The following MED12L variants were observed in gnomAD, a reference collection of about 807,000 sequenced individuals.
MED12L encodes mediator complex subunit 12L, also known as mediator of RNA polymerase II transcription subunit 12-like protein.
Under a neutral mutation model 281.3 loss-of-function variants are expected in MED12L, and 60 were observed. The observed-to-expected ratio is 0.21, with a 90% confidence interval of 0.17 to 0.26. MED12L has a LOEUF of 0.26. Among genes scored for constraint, MED12L ranks in the 10% least tolerant of loss-of-function variants. MED12L has a pLI of 1.00. For synonymous variants in MED12L, 974 were observed against 987.2 expected (o/e 0.99, Z 0.25); for missense variants, 2,146 against 2,680.9 (o/e 0.80, Z 4.41).
At chr3:151,409,716 A>C (rs1716740317) in intron 40 of MED12L, among the ~76,000 whole-genome samples, 1 of 152,158 alleles carries the variant, frequency 6.6e-6, no homozygotes, top group East Asian at 1.9e-4. Flanking sequence ...CTGCACTTTG[A>C]GAGGCCAAGG....
At chr3:151,097,200 G>A (rs975450645) in intron 2 of MED12L, among the ~76,000 whole-genome samples, 3 of 152,120 alleles carry the variant, frequency 2.0e-5, no homozygotes, top group African/African-American at 4.8e-5. Flanking sequence ...TGAGAGAGAC[G>A]CACACAAGCG....
At chr3:151,205,403 T>G (rs1343648006) in intron 16 of MED12L, among the ~76,000 whole-genome samples, 1 of 152,240 alleles carries the variant, frequency 6.6e-6, no homozygotes, top group Non-Finnish European at 1.5e-5. Flanking sequence ...AAGAAAATAT[T>G]TTCTGTGGTC....
At chr3:151,173,900 GT>G (rs1415164003) in intron 11 of MED12L, among the ~76,000 whole-genome samples, 1 of 152,118 alleles carries the variant, frequency 6.6e-6, no homozygotes, top group Non-Finnish European at 1.5e-5. Flanking sequence ...CTTCTTATCT[GT>G]ATGTTACTTT....
rs746222142 is a variant in MED12L at position 151,190,713 on chromosome 3, A to G, written c.1754-4A>G. 5.6e-6 allele frequency: 9 copies of G among 1,613,710 alleles called. No homozygotes were observed. The highest frequency in any genetic ancestry group is 4.5e-5 in the East Asian group (2 of 44,876). On this transcript the variant is annotated splice_polypyrimidine_tract_variant and splice_region_variant and intron_variant, in intron 13 of 44. Transcript: ENST00000687756. Reference sequence around the variant, plus strand: ...AATTCTTGATTGAATTTGTTTCTCTATAGCGGACCCAAACAGTGAATGTGA... The same window carrying G: ...AATTCTTGATTGAATTTGTTTCTCTGTAGCGGACCCAAACAGTGAATGTGA...
chr3:151,226,285 T>G (rs1280605532), intron 16 of MED12L, among the ~76,000 whole-genome samples: 1 of 152,108 alleles, frequency 6.6e-6, no homozygotes, highest in East Asian at 1.9e-4. Context: ...GAGAGAGCTA[T>G]AGGAACAGGC....
At chr3:151,163,787 T>C (rs1189822071) in intron 8 of MED12L, 106 bp from the exon 9 acceptor site, 8 of 1,120,974 alleles carry the variant, frequency 7.1e-6, no homozygotes, top group Non-Finnish European at 1.0e-5. Flanking sequence ...AACTTACTAG[T>C]AGGAGACAAT....
At chr3:151,104,453 C>T (rs1320220847) in intron 2 of MED12L, among the ~76,000 whole-genome samples, 1 of 152,210 alleles carries the variant, frequency 6.6e-6, no homozygotes, top group African/African-American at 2.4e-5. Context: ...AGAAATCAGT[C>T]CCTATTGCTG....
At chr3:151,366,097 T>C in intron 23 of MED12L, 106 bp downstream of exon 23, 1 of 990,292 alleles carries the variant, frequency 1.0e-6, no homozygotes, top group Non-Finnish European at 1.4e-6. Flanking sequence ...ACTGAAATGT[T>C]ATAAAATATT....
At chr3:151,298,121 T>A (rs1532203) in intron 16 of MED12L, among the ~76,000 whole-genome samples, 1 of 152,238 alleles carries the variant, frequency 6.6e-6, no homozygotes, top group South Asian at 2.1e-4. Flanking sequence ...TAAGTTTATA[T>A]CACATTCTTT....
chr3:151,245,852 A>G (rs1294723005), intron 16 of MED12L, among the ~76,000 whole-genome samples: 1 of 151,428 alleles, frequency 6.6e-6, no homozygotes. Context: ...AGACGACATG[A>G]TTGTATATCT....
chr3:151,333,314 A>G (rs1315097551), intron 16 of MED12L, among the ~76,000 whole-genome samples: 1 of 152,182 alleles, frequency 6.6e-6, no homozygotes, highest in Non-Finnish European at 1.5e-5. Flanking sequence ...CCTTTGAGAA[A>G]AGCCAAACTG....
At chr3:151,348,990 T>C (rs1237006230) in intron 16 of MED12L, among the ~76,000 whole-genome samples, 1 of 152,206 alleles carries the variant, frequency 6.6e-6, no homozygotes, top group Non-Finnish European at 1.5e-5. Context: ...TAGGATAAGA[T>C]GGATGCTGTT....
intron 16 of MED12L, among the ~76,000 whole-genome samples, chr3:151,225,024 TTCTC>T (rs933881060): frequency 7.9e-5 from 12 of 152,216 alleles, no homozygotes; most frequent in Admixed American, 5.9e-4. Context: ...TGTTATTTAA[TTCTC>T]TCTGTCATCA....
intron 16 of MED12L, among the ~76,000 whole-genome samples, chr3:151,344,615 C>G (rs1225165119): frequency 6.6e-6 from 1 of 152,120 alleles, no homozygotes; most frequent in Non-Finnish European, 1.5e-5. Flanking sequence ...CGGATATATA[C>G]TGGATTTGCA....
At chr3:151,356,992 C>T (rs1196085750) in intron 19 of MED12L, among the ~76,000 whole-genome samples, 2 of 152,070 alleles carry the variant, frequency 1.3e-5, no homozygotes, top group Admixed American at 1.3e-4. Flanking sequence ...AGTTTCAGTA[C>T]CTTATTTCAG....
chr3:151,331,746 C>T (rs1750377029), intron 16 of MED12L, among the ~76,000 whole-genome samples: 1 of 152,182 alleles, frequency 6.6e-6, no homozygotes, highest in African/African-American at 2.4e-5. Flanking sequence ...TAAAGTCACA[C>T]TAGCTATACT....
At chr3:151,092,803 C>T (rs1344109751) in intron 2 of MED12L, among the ~76,000 whole-genome samples, 3 of 152,292 alleles carry the variant, frequency 2.0e-5, no homozygotes, top group East Asian at 1.9e-4. Context: ...TGGCCCCAGG[C>T]GCTGCTGCAG....
At chr3:151,256,010 AT>A (rs1481608217) in intron 16 of MED12L, among the ~76,000 whole-genome samples, 1 of 152,202 alleles carries the variant, frequency 6.6e-6, no homozygotes, top group African/African-American at 2.4e-5. Context: ...TCTTTTTACT[AT>A]GACAGGCTAA....
intron 16 of MED12L, among the ~76,000 whole-genome samples, chr3:151,245,688 C>T (rs1275222435): frequency 1.5e-4 from 18 of 118,656 alleles, no homozygotes; most frequent in African/African-American, 5.1e-4. Flanking sequence ...AAACTGGAAG[C>T]ATTCCCTTTG....
Sources: gnomAD v4.1 joint callset for allele counts (sites outside exome capture counted in the v4.1 genomes callset) on GRCh38, gnomAD v4.1.1 for gene constraint, MANE v1.5 for transcripts, NCBI Gene and HGNC (gene_info 2026-07-23, HGNC 2026-07-21) for gene names.